CBX3: variants seen among roughly 807,000 people sequenced by gnomAD.
CBX3 encodes chromobox 3, also known as chromobox protein homolog 3.
Under a neutral mutation model 22.6 loss-of-function variants are expected in CBX3, and 5 were observed. The observed-to-expected ratio is 0.22, with a 90% CI of 0.12 to 0.47. CBX3 has a LOEUF of 0.47. Among genes scored for constraint, CBX3 ranks in the 20% least tolerant of loss-of-function variants. CBX3 has a pLI of 0.99. For synonymous variants in CBX3, 50 were observed against 66.6 expected, an observed-to-expected ratio of 0.75 and a Z score of 1.21; for missense variants, 83 against 208.1, an observed-to-expected ratio of 0.40 and a Z score of 3.70.
In CBX3 at chr7:26,202,954, G is replaced by A. The variant is rs769275453; in HGVS notation, c.-28-17G>A. The A allele has an allele frequency of 1.3e-6, 2 of 1,522,572 alleles. No individual in the cohort carries two copies. The highest frequency in any genetic ancestry group is 2.3e-5 in the South Asian group (2 of 88,258). The allele number at this position is 1,522,572 out of a possible 1,614,324, so 94.3% of individuals were successfully genotyped here. On this transcript the variant is annotated splice_polypyrimidine_tract_variant and intron_variant, in intron 1 of 5. Coordinates refer to ENST00000396386, the MANE Select transcript of CBX3 (RefSeq NM_016587.4). ...TGTGTCATGCAAACTTACCTTAACT[G>A]TCATGCATTTTTCTAGTAATAGCTC...
intron 4 of CBX3, chr7:26,210,518 G>C (rs529507561): frequency 1.3e-5 from 2 of 152,142 alleles, no homozygotes; most frequent in African/African-American, 4.8e-5. Flanking sequence ...CACCCAGGCA[G>C]TGTGACTCCA....
chr7:26,207,772 C>G (rs1199376749), intron 3 of CBX3, among the ~76,000 whole-genome samples: 1 of 152,014 alleles, frequency 6.6e-6, no homozygotes, highest in African/African-American at 2.4e-5. Flanking sequence ...CCTGCCTTGG[C>G]CTCCCAAAGT....
intron 4 of CBX3, 127 bp downstream of exon 4, chr7:26,208,682 A>G: frequency 3.7e-6 from 3 of 817,060 alleles, no homozygotes; most frequent in Admixed American, 2.8e-5. Flanking sequence ...GTGCAATGGC[A>G]TGATCTTGGT....
chr7:26,206,545 A>T (rs780117410), intron 3 of CBX3, 35 bp downstream of exon 3: 1 of 1,598,132 alleles, frequency 6.3e-7, no homozygotes, highest in South Asian at 1.1e-5. Flanking sequence ...CTATATGTTT[A>T]ACTGCAGCTA....
At chr7:26,203,733 C>G (rs1474274859) in intron 2 of CBX3, among the ~76,000 whole-genome samples, 1 of 151,982 alleles carries the variant, frequency 6.6e-6, no homozygotes, top group Admixed American at 6.6e-5. Context: ...TAATCTTAAA[C>G]ACGTAAAGGT....
At chr7:26,208,169 C>T in intron 3 of CBX3, 1 of 337,646 alleles carries the variant, frequency 3.0e-6, no homozygotes, top group Non-Finnish European at 5.6e-6. Context: ...CTTCAGTGAG[C>T]TATGATTCCA....
chr7:26,202,720 C>A, intron 1 of CBX3: 1 of 453,142 alleles, frequency 2.2e-6, no homozygotes, highest in South Asian at 3.0e-5. Flanking sequence ...ACATTGGTCC[C>A]CTATTTTAAG....
At chr7:26,206,344 A>T in intron 2 of CBX3, 24 bp from the exon 3 acceptor site, 2 of 1,481,240 alleles carry the variant, frequency 1.4e-6, no homozygotes, top group Non-Finnish European at 1.9e-6. Context: ...AATATTTCTT[A>T]ATTTCTCTTT....
chr7:26,211,587 G>A (rs1784804075), intron 4 of CBX3, 75 bp from the exon 5 acceptor site: 2 of 904,324 alleles, frequency 2.2e-6, no homozygotes, highest in African/African-American at 1.7e-5. Flanking sequence ...CTATTGGAAT[G>A]TTTTTATTTA....
chr7:26,212,035 A>G (rs751767454), intron 5 of CBX3, 47 bp from the exon 6 acceptor site: 2 of 1,460,356 alleles, frequency 1.4e-6, no homozygotes, highest in South Asian at 1.6e-5. Context: ...GTCGGTTGAC[A>G]TGAACAACTT....
At chr7:26,208,669 G>T in intron 4 of CBX3, 114 bp downstream of exon 4, 1 of 923,494 alleles carries the variant, frequency 1.1e-6, no homozygotes, top group East Asian at 2.8e-5. Context: ...CGCCCAGGCT[G>T]GAGTGCAATG....
At chr7:26,208,754 G>C (rs1320837711) in intron 4 of CBX3, among the ~76,000 whole-genome samples, 199 bp downstream of exon 4, 2 of 151,656 alleles carry the variant, frequency 1.3e-5, no homozygotes, top group African/African-American at 2.4e-5. Flanking sequence ...CAAGTAGCTG[G>C]GATTATAGGT....
At chr7:26,203,486 T>C (rs932063735) in intron 2 of CBX3, among the ~76,000 whole-genome samples, 1 of 152,246 alleles carries the variant, frequency 6.6e-6, no homozygotes, top group Admixed American at 6.5e-5. Flanking sequence ...TTGGTCACTT[T>C]ATCTTGTTTT....
In CBX3 at chr7:26,211,666, A is replaced by G. The variant is rs769756418; in HGVS notation, c.335A>G (p.Asp112Gly). Residue 112 changes from aspartate to glycine, a missense_variant, in exon 5 of 6, where the codon GAC (aspartate) becomes GGC (glycine). By Grantham distance (94) the Asp-to-Gly change is moderately conservative (BLOSUM62 -1). This residue lies in a region of CBX3 where 59 missense variants were observed against 155.0 expected (regional missense o/e 0.38). Coordinates refer to ENST00000396386, the MANE Select transcript of CBX3 (RefSeq NM_016587.4). ...GAAAAAATGTCTTCTAAACAGGCTG[A>G]CAAACCAAGAGGATTTGCCAGAGGT... The part of the protein sequence containing the change: ...SKSKKKRDAA[D>G]KPRGFARGLD... 6.2e-7 allele frequency: 1 copy of G among 1,604,194 alleles called. No homozygotes were observed. Among genetic ancestry groups the G allele is most frequent in the Non-Finnish European group, 8.5e-7 (1 of 1,175,372 alleles).
chr7:26,209,705 C>T (rs1464704375), intron 4 of CBX3, among the ~76,000 whole-genome samples: 1 of 152,152 alleles, frequency 6.6e-6, no homozygotes, highest in African/African-American at 2.4e-5. Flanking sequence ...ACTTATGTCT[C>T]TGTGGCGTCA....
At chr7:26,211,207 T>C (rs996906914) in intron 4 of CBX3, among the ~76,000 whole-genome samples, 1 of 152,346 alleles carries the variant, frequency 6.6e-6, no homozygotes, top group African/African-American at 2.4e-5. Context: ...TACTATCATT[T>C]AGAATGATTA....
At position 26,212,243 on chromosome 7, in the gene CBX3, TA is replaced by T; in HGVS notation, c.*36del. 2 of 1,129,296 alleles carry T rather than the reference TA, an allele frequency of 1.8e-6. No individual in the cohort carries two copies. Among genetic ancestry groups the T allele is most frequent in the Non-Finnish European group, 2.2e-6 (2 of 891,352 alleles). 70.0% of individuals were successfully genotyped at this position (1,129,296 alleles called of 1,614,324 possible). A position where few individuals can be genotyped will look rare whatever the true frequency, so the allele number is the denominator to read the frequency against. ...TTGTTCTTTTATATATATTTATATA[TA>T]TATATAAAAATTGGGTCTTAGATTT... On this transcript the variant is annotated 3_prime_UTR_variant, in exon 6 of 6. Transcript: ENST00000396386.
At chr7:26,210,123 C>G (rs1306453802) in intron 4 of CBX3, 1 of 151,814 alleles carries the variant, frequency 6.6e-6, no homozygotes, top group Non-Finnish European at 1.5e-5. Flanking sequence ...GACCCCATCT[C>G]TACAAAGAAA....
At chr7:26,208,085 G>T in intron 3 of CBX3, 1 of 192,512 alleles carries the variant, frequency 5.2e-6, no homozygotes, top group Non-Finnish European at 1.1e-5. Flanking sequence ...AAGTTAGCTG[G>T]GCATGGTGGT....
Sources: allele counts gnomAD v4.1 joint callset (sites outside exome capture counted in the v4.1 genomes callset), GRCh38; gene constraint gnomAD v4.1.1; regional missense constraint gnomAD v4.1.1; transcripts MANE v1.5; gene names NCBI Gene and HGNC (gene_info 2026-07-23, HGNC 2026-07-21).